Variants in EPB41L2 observed in about 807,000 individuals in gnomAD.
The protein encoded by EPB41L2 is erythrocyte membrane protein band 4.1 like 2, also known as band 4.1-like protein 2.
EPB41L2 carries 43 observed loss-of-function variants against 113.0 expected under a neutral mutation model. The ratio of observed to expected loss-of-function variants is 0.38; its 90% CI spans 0.30 to 0.49. The LOEUF (loss-of-function observed/expected upper bound fraction) is 0.49, where lower values mean the gene tolerates loss of function less well. EPB41L2 is among the 20% of genes least tolerant of loss of function. The pLI is 0.95. For synonymous variants in EPB41L2, 442 were observed against 436.7 expected (o/e 1.01, Z -0.15); for missense variants, 1,147 against 1,223.4 (o/e 0.94, Z 0.93).
At chr6:130,848,667 A>C (rs1016215331) in intron 19 of EPB41L2, among the ~76,000 whole-genome samples, 15 of 152,170 alleles carry the variant, frequency 9.9e-5, no homozygotes, top group African/African-American at 3.6e-4. Context: ...AACTATTTTG[A>C]TGCAAGAAAG....
rs145851233 is a variant in EPB41L2, at chr6:130,865,568, C to A, written c.2797G>T (p.Val933Leu). 2.0e-5 allele frequency: 32 copies of A among 1,614,134 alleles called. No individual in the cohort carries two copies. In the African/African-American group the frequency reaches 3.7e-4, roughly 19 times the overall value. Residue 933 changes from valine to leucine, a missense_variant, in exon 17 of 20, where the codon GTG (valine) becomes TTG (leucine). Transcript: ENST00000337057. Reference sequence around the variant, plus strand: ...ATGTGTGTGGTTGTCGTTGTTGACACGGACTCAGATGTGATGGTTTGTGCG... The same window carrying A: ...ATGTGTGTGGTTGTCGTTGTTGACAAGGACTCAGATGTGATGGTTTGTGCG... ...LTAQTITSES[V>L]STTTTTHITK...
chr6:130,965,648 A>G (rs1180561002), intron 1 of EPB41L2, among the ~76,000 whole-genome samples: 1 of 81,206 alleles, frequency 1.2e-5, no homozygotes, highest in Non-Finnish European at 3.8e-5. Context: ...AGTTATCAAA[A>G]AAAAAAAAAA....
At chr6:131,018,117 C>T (rs11969461) in intron 1 of EPB41L2, among the ~76,000 whole-genome samples, 20,181 of 152,140 alleles carry the variant, frequency 0.13, 1,423 homozygotes, top group Admixed American at 0.16. Flanking sequence ...ACTACAAGTA[C>T]AGGAGTAAGC....
At chr6:131,050,705 G>C (rs951755428) in intron 1 of EPB41L2, among the ~76,000 whole-genome samples, 2 of 152,260 alleles carry the variant, frequency 1.3e-5, no homozygotes, top group Admixed American at 1.3e-4. Flanking sequence ...ATATTTAACA[G>C]AACCTGCATA....
intron 3 of EPB41L2, among the ~76,000 whole-genome samples, chr6:130,926,977 A>G (rs1334352424): frequency 6.6e-6 from 1 of 152,218 alleles, no homozygotes; most frequent in African/African-American, 2.4e-5. Context: ...AGGACGAAAA[A>G]GGCGAAATGT....
At chr6:131,038,842 T>C (rs981543920) in intron 1 of EPB41L2, among the ~76,000 whole-genome samples, 2 of 152,216 alleles carry the variant, frequency 1.3e-5, no homozygotes, top group Admixed American at 6.5e-5. Context: ...AGAGTCATGA[T>C]AGTGACTACT....
chr6:130,913,048 A>C (rs1161357340), intron 4 of EPB41L2, among the ~76,000 whole-genome samples: 1 of 152,204 alleles, frequency 6.6e-6, no homozygotes, highest in Non-Finnish European at 1.5e-5. Flanking sequence ...CTGTTCCAGA[A>C]GATGGTGGAA....
At chr6:130,841,447 T>G (rs1775469738) in intron 19 of EPB41L2, among the ~76,000 whole-genome samples, 1 of 152,214 alleles carries the variant, frequency 6.6e-6, no homozygotes, top group East Asian at 1.9e-4. Flanking sequence ...GATTTACGTT[T>G]TGAAAACACT....
chr6:131,019,846 T>C (rs1789045073), intron 1 of EPB41L2, among the ~76,000 whole-genome samples: 1 of 152,156 alleles, frequency 6.6e-6, no homozygotes, highest in Non-Finnish European at 1.5e-5. Context: ...GTCAGTACTG[T>C]TACCAGGGTT....
At chr6:130,965,691 C>T (rs1368711352) in intron 1 of EPB41L2, among the ~76,000 whole-genome samples, 1 of 141,486 alleles carries the variant, frequency 7.1e-6, no homozygotes, top group Non-Finnish European at 1.5e-5. Context: ...GGCACATAAA[C>T]ATATGAAGAG....
intron 11 of EPB41L2, among the ~76,000 whole-genome samples, chr6:130,888,006 T>G (rs1049443793): frequency 2.6e-5 from 4 of 152,230 alleles, no homozygotes; most frequent in Non-Finnish European, 5.9e-5. Context: ...ACTTGCTATG[T>G]AATCATAAGA....
chr6:130,896,999 G>A (rs1794860576), intron 8 of EPB41L2, among the ~76,000 whole-genome samples: 1 of 152,038 alleles, frequency 6.6e-6, no homozygotes, highest in African/African-American at 2.4e-5. Context: ...CTCCCCACAA[G>A]ACGGCCCTCT....
At chr6:130,987,790 A>G (rs746219711) in intron 1 of EPB41L2, among the ~76,000 whole-genome samples, 2 of 152,070 alleles carry the variant, frequency 1.3e-5, no homozygotes, top group African/African-American at 2.4e-5. Flanking sequence ...AGTCAGTAGA[A>G]ACAGGGAGAA....
intron 3 of EPB41L2, among the ~76,000 whole-genome samples, chr6:130,948,299 T>A (rs1813621343): frequency 6.6e-6 from 1 of 152,202 alleles, no homozygotes; most frequent in Non-Finnish European, 1.5e-5. Context: ...AGTAAGTTGA[T>A]TCCCTACAGG....
intron 10 of EPB41L2, 58 bp from the exon 11 acceptor site, chr6:130,890,524 T>C (rs948284253): frequency 1.2e-5 from 19 of 1,534,968 alleles, no homozygotes; most frequent in South Asian, 3.8e-5. Flanking sequence ...AATTAGACTT[T>C]ACGGAATTTT....
chr6:131,043,823 T>C (rs1415871362), intron 1 of EPB41L2, among the ~76,000 whole-genome samples: 1 of 152,152 alleles, frequency 6.6e-6, no homozygotes, highest in Non-Finnish European at 1.5e-5. Flanking sequence ...CGTAGTGAAG[T>C]ATATGTAGAT....
intron 11 of EPB41L2, among the ~76,000 whole-genome samples, chr6:130,888,169 A>G (rs1791641000): frequency 6.6e-6 from 1 of 152,214 alleles, no homozygotes; most frequent in Admixed American, 6.5e-5. Flanking sequence ...AGAAAATAAA[A>G]GCTCAGTGCC....
At chr6:131,004,486 G>A (rs988509520) in intron 1 of EPB41L2, among the ~76,000 whole-genome samples, 4 of 152,142 alleles carry the variant, frequency 2.6e-5, no homozygotes, top group Non-Finnish European at 5.9e-5. Flanking sequence ...ACCAAAGGAA[G>A]GTCAATTAAC....
intron 16 of EPB41L2, 87 bp from the exon 17 acceptor site, chr6:130,865,721 C>A: frequency 7.6e-7 from 1 of 1,324,462 alleles, no homozygotes; most frequent in Non-Finnish European, 1.1e-6. Flanking sequence ...GAATATGCAT[C>A]TTTTAAAATC....
Sources: gnomAD v4.1 joint callset for allele counts (sites outside exome capture counted in the v4.1 genomes callset) on GRCh38, gnomAD v4.1.1 for gene constraint, MANE v1.5 for transcripts, NCBI Gene and HGNC (gene_info 2026-07-23, HGNC 2026-07-21) for gene names.